The following CPA6 variants were observed in gnomAD, a reference collection of about 807,000 sequenced individuals.
CPA6 encodes carboxypeptidase B.
In CPA6, 58 loss-of-function variants were observed where a neutral mutation model predicts 63.3. The observed-to-expected ratio is 0.92, with a 90% CI of 0.74 to 1.14. CPA6 has a LOEUF of 1.14. Among genes scored for constraint, CPA6 ranks in the 50% most tolerant of loss-of-function variants. The probability of loss-of-function intolerance (pLI) is 0.00; values close to 1 mark genes in which losing one functional copy is unlikely to be tolerated. For synonymous variants in CPA6, 185 were observed against 179.0 expected (o/e 1.03, Z -0.27); for missense variants, 565 against 526.6 (o/e 1.07, Z -0.71).
intron 10 of CPA6, among the ~76,000 whole-genome samples, chr8:67,426,915 GT>G (rs1354006950): frequency 1.4e-4 from 22 of 152,192 alleles, no homozygotes; most frequent in African/African-American, 5.3e-4. Context: ...TTTTGGCCTG[GT>G]TGACAGACCT....
At position 67,631,904 on chromosome 8, in the gene CPA6, G is replaced by A. The variant is rs531194343; in HGVS notation, c.117-7653C>T. ...GCAGCTTCACTCCTGAAGCCAGCGA[G>A]ACCACGAACCCACCAGAAGGAAAAA... is the stretch of plus-strand genomic sequence containing the variant. On this transcript the variant is annotated intron_variant, in intron 1 of 10. Coordinates refer to ENST00000297770, the MANE Select transcript of CPA6 (RefSeq NM_020361.5). Among the ~76,000 whole-genome samples the A allele has an allele frequency of 1.2e-4, 18 of 152,150 alleles. No individual in the cohort carries two copies. The South Asian group carries it at 3.5e-3, about 30-fold the overall frequency.
rs780149010 is a variant in CPA6, at chr8:67,483,663, T to C, written c.838+105A>G. ...TACCTTTCTCTACCAGGTTTTCACA[T>C]ACAGAAAAACATGAGTCTCCCATGA... On this transcript the variant is annotated intron_variant, in intron 8 of 10. Transcript: ENST00000297770. 7.7e-6 allele frequency: 7 copies of C among 910,622 alleles called. No individual in the cohort carries two copies. In the East Asian group the frequency reaches 1.2e-4, roughly 16 times the overall value. The allele number at this position is 910,622 out of a possible 1,614,324, so 56.4% of individuals were successfully genotyped here.
intron 2 of CPA6, among the ~76,000 whole-genome samples, chr8:67,542,566 G>C (rs1455702078): frequency 6.6e-6 from 1 of 152,212 alleles, no homozygotes; most frequent in Non-Finnish European, 1.5e-5. Flanking sequence ...GGTACAATCT[G>C]TTCTGGTAGA....
chr8:67,742,148 G>C (rs146783043), intron 1 of CPA6, among the ~76,000 whole-genome samples: 1 of 152,048 alleles, frequency 6.6e-6, no homozygotes, highest in African/African-American at 2.4e-5. Context: ...GTGTGTGCGC[G>C]TGTGTGTGTG....
intron 1 of CPA6, among the ~76,000 whole-genome samples, chr8:67,669,839 G>A (rs1305915307): frequency 6.6e-6 from 1 of 150,900 alleles, no homozygotes; most frequent in East Asian, 1.9e-4. Context: ...TGGGAGCCAC[G>A]GGACATGGAA....
intron 8 of CPA6, among the ~76,000 whole-genome samples, chr8:67,443,820 T>C (rs1187863451): frequency 6.6e-6 from 1 of 152,138 alleles, no homozygotes; most frequent in Non-Finnish European, 1.5e-5. Context: ...GCCAGAGATA[T>C]TGACAGCTGG....
intron 1 of CPA6, among the ~76,000 whole-genome samples, chr8:67,669,579 C>A (rs906711803): frequency 6.6e-6 from 1 of 152,142 alleles, no homozygotes; most frequent in African/African-American, 2.4e-5. Context: ...AGAAATCATT[C>A]TATTAATTAG....
intron 6 of CPA6, among the ~76,000 whole-genome samples, chr8:67,505,308 A>G (rs530791140): frequency 2.0e-5 from 3 of 152,362 alleles, no homozygotes; most frequent in African/African-American, 7.2e-5. Context: ...CAAGATGGAT[A>G]GAGTTTCTCT....
In CPA6 at chr8:67,517,315, G is replaced by A. The variant is rs1182219695; in HGVS notation, c.317+608C>T. 1.3e-5 allele frequency among the ~76,000 whole-genome samples: 2 copies of A among 151,922 alleles called. 1 individual carries two copies. The highest frequency in any genetic ancestry group is 1.3e-4 in the Admixed American group (2 of 15,264). ...GATCCTACTATTCTGGTCCTACTCAGAGCCTCACTCCCTCTTCCCTGGACT... is the reference window on the plus strand; with the variant it reads ...GATCCTACTATTCTGGTCCTACTCAAAGCCTCACTCCCTCTTCCCTGGACT... On this transcript the variant is annotated intron_variant, in intron 3 of 10. Coordinates refer to ENST00000297770, the MANE Select transcript of CPA6 (RefSeq NM_020361.5).
intron 1 of CPA6, among the ~76,000 whole-genome samples, chr8:67,710,992 A>G (rs1276435369): frequency 6.6e-6 from 1 of 152,246 alleles, no homozygotes; most frequent in African/African-American, 2.4e-5. Flanking sequence ...TTCGTAGCCC[A>G]GACCACAGAG....
chr8:67,553,805 A>G (rs1419435123), intron 2 of CPA6, among the ~76,000 whole-genome samples: 1 of 152,226 alleles, frequency 6.6e-6, no homozygotes, highest in Admixed American at 6.5e-5. Context: ...CTTGGTCTTA[A>G]AACAACACCA....
chr8:67,638,146 C>A (rs1815512699), intron 1 of CPA6, among the ~76,000 whole-genome samples: 1 of 151,152 alleles, frequency 6.6e-6, no homozygotes, highest in South Asian at 2.1e-4. Flanking sequence ...CTGAGGAGCA[C>A]CTTGGTAGCC....
chr8:67,502,545 A>G (rs949226913), intron 6 of CPA6, among the ~76,000 whole-genome samples: 6 of 151,194 alleles, frequency 4.0e-5, no homozygotes, highest in Non-Finnish European at 8.9e-5. Flanking sequence ...TTTATTTTCT[A>G]TTTTTCTAGG....
At chr8:67,562,768 C>T (rs961617592) in intron 2 of CPA6, among the ~76,000 whole-genome samples, 6 of 152,162 alleles carry the variant, frequency 3.9e-5, no homozygotes, top group South Asian at 4.1e-4. Context: ...GGAAAAAGCC[C>T]TCACTCAATA....
At chr8:67,434,691 ATGGCCGCAGCAGCTGCAGCTGCAGCAG>A (rs752066263) in intron 8 of CPA6, among the ~76,000 whole-genome samples, 69 of 152,292 alleles carry the variant, frequency 4.5e-4, no homozygotes, top group Non-Finnish European at 8.4e-4. Flanking sequence ...CACAAGTCTC[ATGGCCGCAGCAGCTGCAGCTGCAGCAG>A]TGGCAGCAGC....
rs761485919 is a variant in CPA6, at chr8:67,483,859, C to CAAAA, written c.748-2_748-1insTTTT. On this transcript the variant is annotated splice_acceptor_variant, in intron 7 of 10. Coordinates refer to ENST00000297770, the MANE Select transcript of CPA6 (RefSeq NM_020361.5). ...ACCTTGTTTTTCTCCAAAATCGATC[C>CAAAA]TAGACATAATTAAGAAAACAGGTGC... The CAAAA allele has an allele frequency of 6.2e-7, 1 of 1,612,720 alleles. No homozygotes were observed. The highest frequency in any genetic ancestry group is 2.2e-5 in the East Asian group (1 of 44,858).
chr8:67,697,016 C>T lies in CPA6; in HGVS notation c.116+48998G>A, dbSNP rs183997427. On this transcript the variant is annotated intron_variant, in intron 1 of 10. Transcript: ENST00000297770. ...TATATTTCATTAAAGCTGTTAAAGA[C>T]TCCCACACCATTCTATAAGGTGGAC... Among the ~76,000 whole-genome samples, 80 of 152,332 alleles carry T rather than the reference C, an allele frequency of 5.3e-4. 1 individual carries two copies. The highest frequency in any genetic ancestry group is 1.0e-3 in the Non-Finnish European group (70 of 68,036).
intron 8 of CPA6, among the ~76,000 whole-genome samples, chr8:67,472,292 C>A (rs112389476): frequency 7.3e-6 from 1 of 137,156 alleles, no homozygotes; most frequent in Admixed American, 7.2e-5. Context: ...GCCACCTCCC[C>A]CATGTCTCAC....
chr8:67,552,695 C>T (rs1056397386), intron 2 of CPA6, among the ~76,000 whole-genome samples: 1 of 139,410 alleles, frequency 7.2e-6, no homozygotes. Flanking sequence ...ATGGCATGAA[C>T]CCGGGAGGCA....
Sources: gnomAD v4.1 joint callset for allele counts (sites outside exome capture counted in the v4.1 genomes callset) on GRCh38, gnomAD v4.1.1 for gene constraint, MANE v1.5 for transcripts, NCBI Gene and HGNC (gene_info 2026-07-23, HGNC 2026-07-21) for gene names.